Variants in CADM2 observed in about 807,000 individuals in gnomAD.
CADM2 encodes cell adhesion molecule 2, also known as immunoglobulin superfamily member 4D.
A neutral mutation model predicts 49.8 loss-of-function variants in CADM2; 12 were observed. The ratio of observed to expected loss-of-function variants is 0.24; its 90% confidence interval spans 0.15 to 0.39. CADM2 has a LOEUF of 0.39. CADM2 is among the 10% of genes least tolerant of loss of function. The pLI, the probability that CADM2 is intolerant of heterozygous loss-of-function variation, is 1.00. For missense variants in CADM2, 378 were observed against 492.3 expected (o/e 0.77, Z 2.20); for synonymous variants, 214 against 175.4 (o/e 1.22, Z -1.74).
chr3:85,814,438 C>T (rs1225661784), intron 3 of CADM2, among the ~76,000 whole-genome samples: 1 of 151,888 alleles, frequency 6.6e-6, no homozygotes, highest in African/African-American at 2.4e-5. Context: ...AAAATTGACA[C>T]CCTAACATAA....
intron 2 of CADM2, among the ~76,000 whole-genome samples, chr3:85,779,406 GTCAT>G (rs1468878657): frequency 6.6e-6 from 1 of 152,082 alleles, no homozygotes; most frequent in Non-Finnish European, 1.5e-5. Context: ...ATGAGACTAT[GTCAT>G]TTATAAAGGA....
chr3:85,714,973 A>T (rs1204218915), intron 1 of CADM2, among the ~76,000 whole-genome samples: 2 of 152,180 alleles, frequency 1.3e-5, no homozygotes, highest in Non-Finnish European at 2.9e-5. Flanking sequence ...ACTAATACAG[A>T]GTCCAATCAT....
At position 85,139,615 on chromosome 3, in the gene CADM2, A is replaced by G. The variant is rs527299696; in HGVS notation, c.61+179947A>G. On this transcript the variant is annotated intron_variant, in intron 1 of 9. Coordinates refer to ENST00000383699, the MANE Select transcript of CADM2 (RefSeq NM_001167675.2). ...TACTTATTCTATGTAGATTTTATTT[A>G]TAAGAACTATAGGTTACTGTGCAAA... is the stretch of plus-strand genomic sequence containing the variant. 5.3e-5 allele frequency among the ~76,000 whole-genome samples: 8 copies of G among 152,212 alleles called. No homozygotes were observed. The East Asian group carries it at 9.6e-4, about 18-fold the overall frequency.
At position 84,982,702 on chromosome 3, in the gene CADM2, CATATATATATATATATATAT is replaced by C. The variant is rs71104999; in HGVS notation, c.61+23048_61+23067del. Among the ~76,000 whole-genome samples the C allele has an allele frequency of 6.3e-3, 478 of 76,324 alleles. 26 individuals are homozygous for C. The highest frequency in any genetic ancestry group is 0.011 in the Middle Eastern group (1 of 90). The allele number at this position is 76,324 out of a possible 152,430, so 50.1% of individuals were successfully genotyped here. On this transcript the variant is annotated intron_variant, in intron 1 of 9. Coordinates refer to ENST00000383699, the MANE Select transcript of CADM2 (RefSeq NM_001167675.2). Reference sequence around the variant, plus strand: ...GACATATAGATTGAAAACTATAAAGCATATATATATATATATATATATATATATATATACATTTTTTGTTT... The same window carrying C: ...GACATATAGATTGAAAACTATAAAGCATATATATATATACATTTTTTGTTT...
At chr3:85,465,005 C>T (rs1161217606) in intron 1 of CADM2, among the ~76,000 whole-genome samples, 13 of 151,970 alleles carry the variant, frequency 8.6e-5, no homozygotes, top group African/African-American at 9.7e-5. Flanking sequence ...AAAAATTAGC[C>T]GGGCGTGGTG....
chr3:85,207,960 T>C (rs1340310881), intron 1 of CADM2, among the ~76,000 whole-genome samples: 1 of 152,172 alleles, frequency 6.6e-6, no homozygotes, highest in Non-Finnish European at 1.5e-5. Flanking sequence ...GTTAGATACA[T>C]GTATAAATCC....
At chr3:85,809,644 A>C (rs1308884951) in intron 3 of CADM2, among the ~76,000 whole-genome samples, 1 of 150,760 alleles carries the variant, frequency 6.6e-6, no homozygotes, top group African/African-American at 2.4e-5. Flanking sequence ...ATGCTGAAAA[A>C]TGAAACATTT....
intron 3 of CADM2, among the ~76,000 whole-genome samples, chr3:85,875,831 G>A (rs1159808303): frequency 6.6e-6 from 1 of 152,186 alleles, no homozygotes; most frequent in African/African-American, 2.4e-5. Context: ...GTTAGAAACA[G>A]AGGAAGTAGT....
chr3:86,046,183 C>T (rs1302747547), intron 8 of CADM2, among the ~76,000 whole-genome samples: 1 of 152,012 alleles, frequency 6.6e-6, no homozygotes, highest in East Asian at 1.9e-4. Context: ...ACCTAGTTAA[C>T]CTAAATTATG....
rs762571304 is a variant in CADM2, at chr3:85,541,717, A to AT, written c.62-184803dup. Among the ~76,000 whole-genome samples, 604 of 135,528 alleles carry AT rather than the reference A, an allele frequency of 4.5e-3. 6 individuals carry two copies. The highest frequency in any genetic ancestry group is 7.7e-3 in the Middle Eastern group (2 of 260). The allele number at this position is 135,528 out of a possible 152,430, so 88.9% of individuals were successfully genotyped here. A position where few individuals can be genotyped will look rare whatever the true frequency, so the allele number is the denominator to read the frequency against. ...GAATTAAATTATATATATATTTTATATTATATATATATATTTTATATATAT... is the reference window on the plus strand; with the variant it reads ...GAATTAAATTATATATATATTTTATATTTATATATATATATTTTATATATAT... On this transcript the variant is annotated intron_variant, in intron 1 of 9. Coordinates refer to ENST00000383699, the MANE Select transcript of CADM2 (RefSeq NM_001167675.2).
intron 1 of CADM2, among the ~76,000 whole-genome samples, chr3:85,463,844 A>G (rs991954219): frequency 2.6e-5 from 4 of 152,138 alleles, no homozygotes; most frequent in African/African-American, 4.8e-5. Context: ...ATTCTGACAA[A>G]GGACATAGCA....
intron 1 of CADM2, among the ~76,000 whole-genome samples, chr3:85,247,003 T>C (rs1293197280): frequency 1.3e-5 from 2 of 152,054 alleles, no homozygotes; most frequent in Non-Finnish European, 2.9e-5. Flanking sequence ...TATATTGTTG[T>C]TTAATCAGAT....
chr3:85,128,744 G>T (rs1446727253), intron 1 of CADM2, among the ~76,000 whole-genome samples: 3 of 152,166 alleles, frequency 2.0e-5, no homozygotes, highest in Non-Finnish European at 4.4e-5. Context: ...AAATAAACAT[G>T]TTAAGGCTAA....
chr3:85,078,600 T>C (rs753943610), intron 1 of CADM2, among the ~76,000 whole-genome samples: 10 of 151,828 alleles, frequency 6.6e-5, no homozygotes, highest in Non-Finnish European at 1.0e-4. Flanking sequence ...GCCCAGAAAC[T>C]GTCTTCCAAT....
At chr3:85,127,292 C>T (rs1010410077) in intron 1 of CADM2, among the ~76,000 whole-genome samples, 8 of 152,114 alleles carry the variant, frequency 5.3e-5, no homozygotes. Flanking sequence ...ACCTACTGGC[C>T]ACTTTTTAGA....
intron 3 of CADM2, among the ~76,000 whole-genome samples, chr3:85,820,935 C>T (rs2073518654): frequency 1.3e-5 from 2 of 152,218 alleles, no homozygotes; most frequent in South Asian, 4.1e-4. Flanking sequence ...ACAAAAAGAG[C>T]TTTCCAAATA....
chr3:85,418,360 T>C (rs189516243), intron 1 of CADM2, among the ~76,000 whole-genome samples: 7 of 152,234 alleles, frequency 4.6e-5, no homozygotes, highest in African/African-American at 1.7e-4. Flanking sequence ...AAGCTATTAA[T>C]AGGAGAAACT....
chr3:85,671,785 T>G (rs1160605988), intron 1 of CADM2, among the ~76,000 whole-genome samples: 2 of 152,210 alleles, frequency 1.3e-5, no homozygotes, highest in Non-Finnish European at 2.9e-5. Flanking sequence ...AAAATTTATC[T>G]TCTCATATGT....
At chr3:85,324,035 A>C (rs909165064) in intron 1 of CADM2, among the ~76,000 whole-genome samples, 1 of 152,182 alleles carries the variant, frequency 6.6e-6, no homozygotes, top group Non-Finnish European at 1.5e-5. Context: ...CTATTAATAG[A>C]CAATATATCT....
Sources: gnomAD v4.1 joint callset for allele counts (sites outside exome capture counted in the v4.1 genomes callset) on GRCh38, gnomAD v4.1.1 for gene constraint, MANE v1.5 for transcripts, NCBI Gene and HGNC (gene_info 2026-07-23, HGNC 2026-07-21) for gene names.